The following PCDHGA6 variants were observed in gnomAD, a reference collection of about 807,000 sequenced individuals.
PCDHGA6 encodes protocadherin gamma-A6.
PCDHGA6 carries 41 observed loss-of-function variants against 60.6 expected under a neutral mutation model. The observed-to-expected ratio is 0.68, with a 90% CI of 0.53 to 0.88. The LOEUF is 0.88. Among genes scored for constraint, PCDHGA6 ranks in the 40% least tolerant of loss-of-function variants. The pLI is 0.00. For missense variants in PCDHGA6, 1,312 were observed against 1,203.0 expected, an observed-to-expected ratio of 1.09 and a Z score of -1.34; for synonymous variants, 594 against 524.4, an observed-to-expected ratio of 1.13 and a Z score of -1.81.
chr5:141,413,190 G>A (rs965319802), intron 1 of PCDHGA6: 11 of 1,607,556 alleles, frequency 6.8e-6, no homozygotes, highest in East Asian at 2.2e-5. Flanking sequence ...CCGCTCAAAG[G>A]AATCGCTCAA....
At chr5:141,494,926 G>C in intron 2 of PCDHGA6, 61 bp downstream of exon 2, 2 of 1,613,498 alleles carry the variant, frequency 1.2e-6, no homozygotes, top group Non-Finnish European at 1.7e-6. Context: ...GGATGACGTG[G>C]GAGGAGATGG....
Position 141,462,764 on chromosome 5 carries a change from G to C in PCDHGA6, c.2425-32043G>C, listed in dbSNP as rs150842317. Among the ~76,000 whole-genome samples, 589 of 152,084 alleles carry C rather than the reference G, an allele frequency of 3.9e-3. 5 individuals are homozygous for C. Among genetic ancestry groups the C allele is most frequent in the Admixed American group, 0.011 (169 of 15,274 alleles). ...AATTCCTATGATGATTTTCTTCCTG[G>C]CTTGGGGTCATAATTTGTTGCTTAT... On this transcript the variant is annotated intron_variant, in intron 1 of 3. Transcript: ENST00000517434.
In PCDHGA6 at chr5:141,388,210, T is replaced by C. The variant is rs1589055013; in HGVS notation, c.2424+11703T>C. ...GCTTGTGCTCTGGAATTTGAGGCTG[T>C]TGCTGAAAATCCACTGAACTTTTAT... On this transcript the variant is annotated intron_variant, in intron 1 of 3. Transcript: ENST00000517434. 1.9e-6 allele frequency: 3 copies of C among 1,587,862 alleles called. No homozygotes were observed. Among genetic ancestry groups the C allele is most frequent in the Non-Finnish European group, 2.6e-6 (3 of 1,159,126 alleles).
Position 141,375,574 on chromosome 5 carries a change from G to A in PCDHGA6, c.1491G>A (p.Gln497=). ...VSYSLAEDTL[Q]GAPLSSYVSI... ...ACTCACTGGCAGAAGACACCCTCCAGGGGGCGCCCCTGTCCTCCTACGTGT... is the reference window on the plus strand; with the variant it reads ...ACTCACTGGCAGAAGACACCCTCCAAGGGGCGCCCCTGTCCTCCTACGTGT... The change falls in exon 1 of 4, where the codon CAG becomes CAA. Residue 497 remains glutamine (Q), a synonymous_variant. Coordinates refer to ENST00000517434, the MANE Select transcript of PCDHGA6 (RefSeq NM_018919.3). 1 of 1,614,058 alleles carries A rather than the reference G, an allele frequency of 6.2e-7. No homozygotes were observed. The highest frequency in any genetic ancestry group is 1.3e-5 in the African/African-American group (1 of 75,034).
chr5:141,384,999 C>A, intron 1 of PCDHGA6: 1 of 1,614,144 alleles, frequency 6.2e-7, no homozygotes, highest in Non-Finnish European at 8.5e-7. Flanking sequence ...TGGCCACAGT[C>A]TCCTGCGTCT....
intron 1 of PCDHGA6, chr5:141,388,406 C>T (rs770065402): frequency 1.9e-6 from 3 of 1,613,842 alleles, no homozygotes; most frequent in Non-Finnish European, 2.5e-6. Context: ...AACTCAGTCC[C>T]AGTGATCATT....
At chr5:141,438,091 C>T (rs964466012) in intron 1 of PCDHGA6, among the ~76,000 whole-genome samples, 1 of 152,098 alleles carries the variant, frequency 6.6e-6, no homozygotes, top group Admixed American at 6.6e-5. Flanking sequence ...TTACCAGTAA[C>T]AGGGCATACT....
rs754610588 is a variant in PCDHGA6, at chr5:141,384,105, T to C, written c.2424+7598T>C. 31 of 1,601,620 alleles carry C rather than the reference T, an allele frequency of 1.9e-5. No individual in the cohort carries two copies. The East Asian group carries it at 2.5e-4, about 13-fold the overall frequency. ...TAGAAAAATCAATAGATAATTATTA[T>C]AGATTGGTCACAACCAAAAACTTGG... On this transcript the variant is annotated intron_variant, in intron 1 of 3. Transcript: ENST00000517434.
intron 1 of PCDHGA6, chr5:141,396,533 T>A (rs942972836): frequency 2.0e-5 from 3 of 151,264 alleles, no homozygotes; most frequent in African/African-American, 7.3e-5. Flanking sequence ...GGCAGAAGAA[T>A]CACTTGAACC....
In PCDHGA6 at chr5:141,433,172, G is replaced by C. The variant is rs147848043; in HGVS notation, c.2424+56665G>C. 533 of 1,610,720 alleles carry C rather than the reference G, an allele frequency of 3.3e-4. 5 individuals carry two copies. In the South Asian group the frequency reaches 5.0e-3, roughly 15 times the overall value. On this transcript the variant is annotated intron_variant, in intron 1 of 3. Transcript: ENST00000517434. ...TTCGGTATTTTCTAAAGACAGTCAT[G>C]GGTTAATTGAGGTGAGTTTATATCA...
intron 1 of PCDHGA6, chr5:141,409,182 T>C: frequency 6.2e-7 from 1 of 1,614,006 alleles, no homozygotes; most frequent in East Asian, 2.2e-5. Context: ...GGAGGTGGTC[T>C]CTCTACCCAG....
At position 141,476,124 on chromosome 5, in the gene PCDHGA6, C is replaced by T. The variant is rs1187643558; in HGVS notation, c.2425-18683C>T. 4 of 1,603,236 alleles carry T rather than the reference C, an allele frequency of 2.5e-6. No homozygotes were observed. Among genetic ancestry groups the T allele is most frequent in the Non-Finnish European group, 3.4e-6 (4 of 1,176,388 alleles). ...GAACTGCTTTTGAGTGAGATGGTCCCAGAGGCCTGGAGGAGCGGACTGGTA... is the reference window on the plus strand; with the variant it reads ...GAACTGCTTTTGAGTGAGATGGTCCTAGAGGCCTGGAGGAGCGGACTGGTA... On this transcript the variant is annotated intron_variant, in intron 1 of 3. Transcript: ENST00000517434. This position sits in a 1 kb window ranked among gnomAD's most constrained non-coding sequence, Gnocchi z 7.6.
intron 1 of PCDHGA6, chr5:141,430,780 C>G: frequency 6.6e-7 from 1 of 1,511,476 alleles, no homozygotes; most frequent in Non-Finnish European, 8.8e-7. Context: ...CGCGACTGCA[C>G]CGGGACTACA....
intron 3 of PCDHGA6, among the ~76,000 whole-genome samples, chr5:141,507,625 G>C (rs2099862215): frequency 6.6e-6 from 1 of 152,256 alleles, no homozygotes; most frequent in Non-Finnish European, 1.5e-5. Context: ...AGCTGTTGTG[G>C]CCTTGCGCCC....
intron 1 of PCDHGA6, among the ~76,000 whole-genome samples, chr5:141,454,195 T>C (rs1295815862): frequency 6.6e-6 from 1 of 152,136 alleles, no homozygotes; most frequent in Admixed American, 6.6e-5. Context: ...TTAGTGAAGG[T>C]GAATTTATTG....
At chr5:141,388,733 A>G in intron 1 of PCDHGA6, 1 of 1,613,986 alleles carries the variant, frequency 6.2e-7, no homozygotes, top group Non-Finnish European at 8.5e-7. Context: ...CTTTCAGTGA[A>G]GCTAGCCAGA....
intron 1 of PCDHGA6, chr5:141,427,524 C>T (rs1421119651): frequency 1.6e-6 from 1 of 610,726 alleles, no homozygotes; most frequent in South Asian, 1.5e-5. Flanking sequence ...GGAGCGGATC[C>T]CGGAGTACAA....
chr5:141,486,901 T>A lies in PCDHGA6; in HGVS notation c.2425-7906T>A. The A allele has an allele frequency of 6.2e-7, 1 of 1,614,238 alleles. No homozygotes were observed. Among genetic ancestry groups the A allele is most frequent in the Non-Finnish European group, 8.5e-7 (1 of 1,180,042 alleles). ...CTCGGGCCCGGCCTGGTTCCTTATG[T>A]CCCCAAGCACTGCCTCCATCAGTTG... On this transcript the variant is annotated intron_variant, in intron 1 of 3. Transcript: ENST00000517434. This position sits in a 1 kb window ranked among gnomAD's most constrained non-coding sequence, Gnocchi z 5.0.
chr5:141,489,238 G>A lies in PCDHGA6; in HGVS notation c.2425-5569G>A. On this transcript the variant is annotated intron_variant, in intron 1 of 3. Coordinates refer to ENST00000517434, the MANE Select transcript of PCDHGA6 (RefSeq NM_018919.3). The surrounding 1 kb of genome is among the most constrained non-coding windows in gnomAD (Gnocchi z 4.5). ...TTACTCTCCACAAAGGGACTTCTGG[G>A]TCATGGGGCCCAAGACACTCCCACA... 6.5e-7 allele frequency: 1 copy of A among 1,534,146 alleles called. No homozygotes were observed.
Sources: gnomAD v4.1 joint callset for allele counts (sites outside exome capture counted in the v4.1 genomes callset) on GRCh38, gnomAD v4.1.1 for gene constraint, Gnocchi (gnomAD v3.1) non-coding constraint, MANE v1.5 for transcripts, NCBI Gene and HGNC (gene_info 2026-07-23, HGNC 2026-07-21) for gene names.